TBXAS1: variants seen among roughly 807,000 people sequenced by gnomAD.
TBXAS1 encodes thromboxane-A synthase.
A neutral mutation model predicts 60.7 loss-of-function variants in TBXAS1; 48 were observed. That is an observed-to-expected ratio of 0.79 (90% CI 0.63 to 1.01). The LOEUF (loss-of-function observed/expected upper bound fraction) is 1.01. Ranked by LOEUF, TBXAS1 falls within the 50% of genes least tolerant of loss-of-function variation. The pLI, the probability that TBXAS1 is intolerant of heterozygous loss-of-function variation, is 0.00. For synonymous variants in TBXAS1, 287 were observed against 269.7 expected, an observed-to-expected ratio of 1.06 and a Z score of -0.63; for missense variants, 685 against 686.3, an observed-to-expected ratio of 1.00 and a Z score of 0.02.
chr7:139,924,655 A>C (rs972847425), intron 4 of TBXAS1, among the ~76,000 whole-genome samples: 1 of 151,800 alleles, frequency 6.6e-6, no homozygotes, highest in Non-Finnish European at 1.5e-5. Context: ...AAGTTTTTTA[A>C]CTTGATGCAA....
At chr7:139,967,990 C>T (rs1810915593) in intron 9 of TBXAS1, among the ~76,000 whole-genome samples, 1 of 152,238 alleles carries the variant, frequency 6.6e-6, no homozygotes, top group Non-Finnish European at 1.5e-5. Context: ...CCTGTGATTT[C>T]TGCAGGACCA....
chr7:139,782,168 G>A (rs538601444), intron 2 of TBXAS1, among the ~76,000 whole-genome samples: 50 of 151,128 alleles, frequency 3.3e-4, no homozygotes, highest in Non-Finnish European at 6.9e-4. Context: ...AGCAGTCAGT[G>A]TTCTAAGGAG....
chr7:139,961,266 A>G lies in TBXAS1; in HGVS notation c.820-653A>G, dbSNP rs141010092. On this transcript the variant is annotated intron_variant, in intron 8 of 12. Coordinates refer to ENST00000448866, the MANE Select transcript of TBXAS1 (RefSeq NM_001061.7). ...CCCTCGCCTTGCCCTCACTTCTGTT[A>G]ACTTCCTACTGTGTGAGAAAAACTG... Among the ~76,000 whole-genome samples the G allele has an allele frequency of 2.8e-3, 420 of 152,322 alleles. 1 individual carries two copies. The highest frequency in any genetic ancestry group is 9.6e-3 in the African/African-American group (399 of 41,574).
chr7:140,017,584 G>C (rs890034228), intron 11 of TBXAS1, 87 bp from the exon 12 acceptor site: 1 of 1,559,264 alleles, frequency 6.4e-7, no homozygotes, highest in Non-Finnish European at 8.7e-7. Context: ...CCTTGTCTCA[G>C]ATGCAGGGGT....
chr7:139,872,181 A>G, intron 1 of TBXAS1, 54 bp from the exon 2 acceptor site: 5 of 1,524,938 alleles, frequency 3.3e-6, no homozygotes, highest in Non-Finnish European at 4.5e-6. Flanking sequence ...AATAGAGCCT[A>G]AAGCATGAGT....
intron 1 of TBXAS1, among the ~76,000 whole-genome samples, chr7:139,866,588 TAAA>T (rs574216852): frequency 0.042 from 5,150 of 121,222 alleles, 290 homozygotes; most frequent in African/African-American, 0.15. Flanking sequence ...ACCCTGTTTC[TAAA>T]AAAAAAAAAA....
intron 4 of TBXAS1, chr7:139,912,950 G>C: frequency 1.6e-6 from 1 of 613,060 alleles, no homozygotes; most frequent in Non-Finnish European, 3.0e-6. Flanking sequence ...CTCAACTTAA[G>C]TCTAGAGCTC....
chr7:139,836,694 C>T (rs1035046999), intron 1 of TBXAS1, among the ~76,000 whole-genome samples: 1 of 152,182 alleles, frequency 6.6e-6, no homozygotes, highest in African/African-American at 2.4e-5. Context: ...AAACCTAAGA[C>T]CTGAAACTAT....
rs2117350902 is a variant in TBXAS1, at chr7:139,957,780, A to G, written c.819+16A>G. 1.9e-6 allele frequency: 3 copies of G among 1,614,018 alleles called. No individual in the cohort carries two copies. Among genetic ancestry groups the G allele is most frequent in the East Asian group, 2.2e-5 (1 of 44,868 alleles). ...TGCCGAAGAGGTAACGTATTTTAAT[A>G]GGACACAGCCTTGAAATGGAATGGA... On this transcript the variant is annotated intron_variant, in intron 8 of 12. Coordinates refer to ENST00000448866, the MANE Select transcript of TBXAS1 (RefSeq NM_001061.7).
intron 9 of TBXAS1, among the ~76,000 whole-genome samples, chr7:139,985,554 T>A (rs1407318293): frequency 6.6e-6 from 1 of 152,266 alleles, no homozygotes; most frequent in Admixed American, 6.5e-5. Flanking sequence ...CCTATAAGTA[T>A]AAAATACACT....
At chr7:140,007,235 CT>C in intron 10 of TBXAS1, 53 bp downstream of exon 10, 6 of 1,530,526 alleles carry the variant, frequency 3.9e-6, no homozygotes, top group Non-Finnish European at 5.4e-6. Context: ...CCCCTACCCC[CT>C]GCCCCAGCCT....
At chr7:139,913,140 T>G in intron 4 of TBXAS1, 1 of 702,888 alleles carries the variant, frequency 1.4e-6, no homozygotes, top group Non-Finnish European at 2.6e-6. Flanking sequence ...GCGGCTGGCC[T>G]GCTACCTCCA....
intron 10 of TBXAS1, among the ~76,000 whole-genome samples, chr7:140,011,939 G>A (rs1350045458): frequency 6.6e-6 from 1 of 152,156 alleles, no homozygotes; most frequent in East Asian, 1.9e-4. Context: ...CAATATTCCA[G>A]AATTATCATG....
chr7:139,819,402 G>A (rs1798234125), intron 4 of TBXAS1, among the ~76,000 whole-genome samples: 1 of 152,228 alleles, frequency 6.6e-6, no homozygotes, highest in Admixed American at 6.5e-5. Context: ...GCTGTTACAT[G>A]AGTGACAGAC....
chr7:140,003,907 C>T lies in TBXAS1; in HGVS notation c.1135-3184C>T, dbSNP rs116158925. Among the ~76,000 whole-genome samples, 489 of 152,336 alleles carry T rather than the reference C, an allele frequency of 3.2e-3. 4 individuals are homozygous for T. Among genetic ancestry groups the T allele is most frequent in the African/African-American group, 0.011 (467 of 41,590 alleles). On this transcript the variant is annotated intron_variant, in intron 9 of 12. Coordinates refer to ENST00000448866, the MANE Select transcript of TBXAS1 (RefSeq NM_001061.7). ...GACCAAGATGCCACCCACAGGGTTA[C>T]CTGCCAGGAGCAGATGGCAACAGGA...
At chr7:139,961,883 G>A (rs111611005) in intron 8 of TBXAS1, 36 bp from the exon 9 acceptor site, 3 of 1,613,514 alleles carry the variant, frequency 1.9e-6, no homozygotes, top group African/African-American at 2.7e-5. Flanking sequence ...ATGACTGTAA[G>A]GTCAAAATGT....
At chr7:139,942,397 G>A (rs913768059) in intron 5 of TBXAS1, among the ~76,000 whole-genome samples, 10 of 152,216 alleles carry the variant, frequency 6.6e-5, no homozygotes, top group Non-Finnish European at 1.5e-4. Flanking sequence ...CTTCCTGGTT[G>A]GCTACTGAGA....
Position 140,004,060 on chromosome 7 carries a change from G to A in TBXAS1, c.1135-3031G>A, listed in dbSNP as rs1813882437. On this transcript the variant is annotated intron_variant, in intron 9 of 12. Transcript: ENST00000448866. The surrounding 1 kb of genome is among the most constrained non-coding windows in gnomAD (Gnocchi z 5.1). Reference sequence around the variant, plus strand: ...TTTCTGCTCATTAATCCACAAGGCCGAATGTGGCCAACAATGGGTCTCCAC... The same window carrying A: ...TTTCTGCTCATTAATCCACAAGGCCAAATGTGGCCAACAATGGGTCTCCAC... 6.6e-6 allele frequency among the ~76,000 whole-genome samples: 1 copy of A among 152,204 alleles called. No individual in the cohort carries two copies. Among genetic ancestry groups the A allele is most frequent in the Non-Finnish European group, 1.5e-5 (1 of 68,038 alleles).
intron 3 of TBXAS1, among the ~76,000 whole-genome samples, chr7:139,889,318 GAA>G (rs993885169): frequency 7.3e-6 from 1 of 137,486 alleles, no homozygotes. Flanking sequence ...GAAAAAAAAG[GAA>G]AAAAAAAAAA....
Sources: gnomAD v4.1 joint callset for allele counts (sites outside exome capture counted in the v4.1 genomes callset) on GRCh38, gnomAD v4.1.1 for gene constraint, Gnocchi (gnomAD v3.1) non-coding constraint, MANE v1.5 for transcripts, NCBI Gene and HGNC (gene_info 2026-07-23, HGNC 2026-07-21) for gene names.